FAM185A: variants seen among roughly 807,000 people sequenced by gnomAD.
FAM185A encodes the protein protein FAM185A.
Under a neutral mutation model 45.7 loss-of-function variants are expected in FAM185A, and 21 were observed. The observed-to-expected ratio is 0.46, with a 90% CI of 0.33 to 0.66. FAM185A has a LOEUF of 0.66. Among genes scored for constraint, FAM185A ranks in the 30% least tolerant of loss-of-function variants. The pLI, the probability that FAM185A is intolerant of heterozygous loss-of-function variation, is 0.03. For synonymous variants in FAM185A, 117 were observed against 194.0 expected (o/e 0.60, Z 3.30); for missense variants, 305 against 485.4 (o/e 0.63, Z 3.49).
chr7:102,786,629 G>A (rs1795814839), intron 6 of FAM185A, among the ~76,000 whole-genome samples: 1 of 152,098 alleles, frequency 6.6e-6, no homozygotes, highest in South Asian at 2.1e-4. Context: ...ATTGAACAAT[G>A]AGAACACATG....
the FAM185A span, chr7:102,821,934 C>T: frequency 7.4e-6 from 9 of 1,220,364 alleles, no homozygotes; most frequent in African/African-American, 9.1e-5. Context: ...TGAAATGAAA[C>T]TTCCTAACAC....
At position 102,801,569 on chromosome 7, in the gene FAM185A, A is replaced by G. The variant is rs138482623; in HGVS notation, c.1067-6721A>G. 2.2e-3 allele frequency among the ~76,000 whole-genome samples: 340 copies of G among 152,334 alleles called. 2 individuals carry two copies. Among genetic ancestry groups the G allele is most frequent in the African/African-American group, 7.7e-3 (322 of 41,578 alleles). On this transcript the variant is annotated intron_variant, in intron 7 of 7. Coordinates refer to ENST00000413034, the MANE Select transcript of FAM185A (RefSeq NM_001145268.2). ...AGGCATTTCATGCAAGTGGACACCA[A>G]AGGTGAGCAGGAGTAGCTATTATAT...
chr7:102,808,077 AAC>A (rs1425370909), intron 7 of FAM185A, among the ~76,000 whole-genome samples: 4 of 152,060 alleles, frequency 2.6e-5, no homozygotes, highest in African/African-American at 9.7e-5. Context: ...AACAAAACAA[AAC>A]ACAGAGTAGC....
intron 6 of FAM185A, among the ~76,000 whole-genome samples, chr7:102,782,093 T>C (rs979597536): frequency 3.3e-5 from 5 of 151,422 alleles, no homozygotes; most frequent in Non-Finnish European, 7.4e-5. Context: ...AGCGAGAAGT[T>C]TAGAGAAAAA....
At chr7:102,817,759 G>C in the FAM185A span, among the ~76,000 whole-genome samples, 3 of 152,048 alleles carry the variant, frequency 2.0e-5, no homozygotes, top group Non-Finnish European at 4.4e-5. Context: ...GTATTCTTAG[G>C]AACCACTGTG....
the FAM185A span, among the ~76,000 whole-genome samples, chr7:102,818,615 G>A: frequency 4.6e-3 from 702 of 152,216 alleles, 3 homozygotes; most frequent in Non-Finnish European, 6.6e-3. Context: ...GAGCAGTAGG[G>A]ACTGTCCGAG....
chr7:102,787,182 C>T (rs1006405676), intron 6 of FAM185A, among the ~76,000 whole-genome samples, 153 bp from the exon 7 acceptor site: 3 of 152,084 alleles, frequency 2.0e-5, no homozygotes, highest in African/African-American at 7.2e-5. Flanking sequence ...CTTTGGGCAC[C>T]TGGGAATAAG....
Position 102,751,977 on chromosome 7 carries a change from G to A in FAM185A, c.561+176G>A, listed in dbSNP as rs575204295. On this transcript the variant is annotated intron_variant, in intron 2 of 7. Transcript: ENST00000413034. ...AAATCAGTTCTAGTAAAGTACAGAG[G>A]TTATAGCAGTTTTGAGGTTTTGCCT... Among the ~76,000 whole-genome samples, 322 of 151,352 alleles carry A rather than the reference G, an allele frequency of 2.1e-3. 2 individuals are homozygous for A. The highest frequency in any genetic ancestry group is 3.6e-3 in the Non-Finnish European group (242 of 67,846).
At chr7:102,817,225 A>G in the FAM185A span, among the ~76,000 whole-genome samples, 3 of 152,192 alleles carry the variant, frequency 2.0e-5, no homozygotes, top group Non-Finnish European at 4.4e-5. Flanking sequence ...TTCCCACCAC[A>G]GTGTAAAAGC....
rs199818170 is a variant in FAM185A, at chr7:102,796,208, C to G, written c.1066+8739C>G. ...CCTTTTGTGTTGAGTCAGTTCCTGA[C>G]TGGGGGCCACAAGACCAGATGAGCC... On this transcript the variant is annotated intron_variant, in intron 7 of 7. Coordinates refer to ENST00000413034, the MANE Select transcript of FAM185A (RefSeq NM_001145268.2). Among the ~76,000 whole-genome samples, 71 of 152,274 alleles carry G rather than the reference C, an allele frequency of 4.7e-4. 1 individual carries two copies. The South Asian group carries it at 6.6e-3, about 14-fold the overall frequency.
chr7:102,791,068 T>C lies in FAM185A; in HGVS notation c.1066+3599T>C, dbSNP rs550270087. Among the ~76,000 whole-genome samples, 61 of 152,314 alleles carry C rather than the reference T, an allele frequency of 4.0e-4. 2 individuals carry two copies. In the South Asian group the frequency reaches 0.011, roughly 27 times the overall value. ...GGGTGAGGAAGTGAGAGAAGTCAAA[T>C]ATGGCCAAAGTATAGAGAGTAAAGG... On this transcript the variant is annotated intron_variant, in intron 7 of 7. Coordinates refer to ENST00000413034, the MANE Select transcript of FAM185A (RefSeq NM_001145268.2).
chr7:102,804,822 C>CTTT (rs1797013474), intron 7 of FAM185A, among the ~76,000 whole-genome samples: 1 of 151,948 alleles, frequency 6.6e-6, no homozygotes, highest in African/African-American at 2.4e-5. Flanking sequence ...ACAATGAACT[C>CTTT]AAACAAATCA....
At chr7:102,833,086 T>C in the FAM185A span, 74 of 1,100,424 alleles carry the variant, frequency 6.7e-5, no homozygotes, top group Middle Eastern at 1.6e-3. Flanking sequence ...AGATGTTAGA[T>C]CTTGATGCCC....
At chr7:102,844,778 T>C in the FAM185A span, among the ~76,000 whole-genome samples, 1 of 152,182 alleles carries the variant, frequency 6.6e-6, no homozygotes, top group Non-Finnish European at 1.5e-5. Context: ...AGATTTCAGA[T>C]GCCAATCGCA....
At chr7:102,762,992 T>A (rs1452919694) in intron 4 of FAM185A, among the ~76,000 whole-genome samples, 3 of 142,804 alleles carry the variant, frequency 2.1e-5, no homozygotes, top group African/African-American at 7.9e-5. Flanking sequence ...TAGTAGCTTT[T>A]AGTGGAGAAA....
At chr7:102,787,145 A>G (rs1282108258) in intron 6 of FAM185A, among the ~76,000 whole-genome samples, 190 bp from the exon 7 acceptor site, 3 of 152,228 alleles carry the variant, frequency 2.0e-5, no homozygotes, top group Non-Finnish European at 4.4e-5. Flanking sequence ...TACAGAAGTT[A>G]CTGTGAATGC....
chr7:102,829,520 C>G, the FAM185A span, among the ~76,000 whole-genome samples: 3 of 152,154 alleles, frequency 2.0e-5, no homozygotes, highest in South Asian at 6.2e-4. Context: ...CTAATCATTA[C>G]TAACTCCCAC....
downstream of FAM185A, among the ~76,000 whole-genome samples, chr7:102,812,832 T>C (rs1386190647): frequency 2.0e-5 from 3 of 151,578 alleles, no homozygotes; most frequent in Non-Finnish European, 4.4e-5. Flanking sequence ...CAGTACTTGA[T>C]TTGGCTTCTT....
In FAM185A at chr7:102,808,622, T is replaced by C. The variant is rs544168103; in HGVS notation, c.*220T>C. 4.0e-6 allele frequency: 2 copies of C among 503,716 alleles called. No individual in the cohort carries two copies. The highest frequency in any genetic ancestry group is 4.7e-5 in the South Asian group (2 of 42,804). 31.2% of individuals were successfully genotyped at this position (503,716 alleles called of 1,614,324 possible). On this transcript the variant is annotated 3_prime_UTR_variant, in exon 8 of 8. Coordinates refer to ENST00000413034, the MANE Select transcript of FAM185A (RefSeq NM_001145268.2). Reference sequence around the variant, plus strand: ...CCACAAATTTAGCAGCATAAAATAATACTCATTTACAGCTATGTCTAGGTT... The same window carrying C: ...CCACAAATTTAGCAGCATAAAATAACACTCATTTACAGCTATGTCTAGGTT...
Sources: gnomAD v4.1 joint callset for allele counts (sites outside exome capture counted in the v4.1 genomes callset) on GRCh38, gnomAD v4.1.1 for gene constraint, MANE v1.5 for transcripts, NCBI Gene and HGNC (gene_info 2026-07-23, HGNC 2026-07-21) for gene names.